WDTC1: variants seen among roughly 807,000 people sequenced by gnomAD.
The protein encoded by WDTC1 is WD and tetratricopeptide repeats protein 1.
WDTC1 carries 12 observed loss-of-function variants against 76.0 expected under a neutral mutation model. The observed-to-expected ratio is 0.16, with a 90% CI of 0.10 to 0.26. WDTC1 has a LOEUF of 0.26. Ranked by LOEUF, WDTC1 falls within the 10% of genes least tolerant of loss-of-function variation. WDTC1 has a pLI of 1.00. For missense variants in WDTC1, 511 were observed against 908.8 expected, an observed-to-expected ratio of 0.56 and a Z score of 5.63; for synonymous variants, 326 against 350.8, an observed-to-expected ratio of 0.93 and a Z score of 0.79.
chr1:27,263,849 A>G (rs1255990724), intron 3 of WDTC1, among the ~76,000 whole-genome samples: 2 of 152,154 alleles, frequency 1.3e-5, no homozygotes, highest in East Asian at 3.8e-4. Flanking sequence ...AGGAATATAG[A>G]ATTTATAGTG....
chr1:27,277,497 A>G (rs998770193), intron 3 of WDTC1, among the ~76,000 whole-genome samples: 1 of 151,818 alleles, frequency 6.6e-6, no homozygotes, highest in African/African-American at 2.4e-5. Flanking sequence ...GAGTCTGGCT[A>G]TGTTGCACAG....
intron 3 of WDTC1, among the ~76,000 whole-genome samples, chr1:27,272,827 T>G (rs926163197): frequency 1.3e-5 from 2 of 152,128 alleles, no homozygotes; most frequent in African/African-American, 4.8e-5. Context: ...GGGAATCACT[T>G]GAGCCCAGGA....
chr1:27,268,814 A>G (rs1204059268), intron 3 of WDTC1, among the ~76,000 whole-genome samples: 3 of 151,186 alleles, frequency 2.0e-5, no homozygotes, highest in African/African-American at 7.3e-5. Context: ...TCCCGGGTTC[A>G]AGTGATTCTC....
chr1:27,303,647 G>A lies in WDTC1; in HGVS notation c.1495G>A (p.Ala499Thr), dbSNP rs779528515. 49 of 1,602,476 alleles carry A rather than the reference G, an allele frequency of 3.1e-5. No individual in the cohort carries two copies. The South Asian group carries it at 3.4e-4, about 11-fold the overall frequency. Residue 499 changes from alanine (A) to threonine (T), a missense_variant, in exon 14 of 16, where the codon GCC becomes ACC. Transcript: ENST00000319394. The surrounding 1 kb of genome is among the most constrained non-coding windows in gnomAD (Gnocchi z 4.8). ...GGAGAAGAAGGGACCTGGTGGCGGC[G>A]CCCCAGTCCGCCTCCGCAGCACGAG... ...GEEKKGPGGG[A>T]PVRLRSTSRK...
At chr1:27,263,955 T>A (rs1440765223) in intron 3 of WDTC1, among the ~76,000 whole-genome samples, 1 of 152,046 alleles carries the variant, frequency 6.6e-6, no homozygotes, top group African/African-American at 2.4e-5. Context: ...CTTTCTTATT[T>A]TAGCATCAAA....
intron 3 of WDTC1, 41 bp from the exon 4 acceptor site, chr1:27,282,198 C>G (rs1418485218): frequency 6.2e-7 from 1 of 1,606,842 alleles, no homozygotes; most frequent in Non-Finnish European, 8.5e-7. Flanking sequence ...CAGGAGAACC[C>G]CTAACCAACT....
rs1054851662 is a variant in WDTC1 at position 27,274,950 on chromosome 1, G to T, written c.133-7289G>T. Among the ~76,000 whole-genome samples, 2 of 152,178 alleles carry T rather than the reference G, an allele frequency of 1.3e-5. No homozygotes were observed. Among genetic ancestry groups the T allele is most frequent in the Admixed American group, 1.3e-4 (2 of 15,266 alleles). On this transcript the variant is annotated intron_variant, in intron 3 of 15. Coordinates refer to ENST00000319394, the MANE Select transcript of WDTC1 (RefSeq NM_001276252.2). This position sits in a 1 kb window ranked among gnomAD's most constrained non-coding sequence, Gnocchi z 4.2. ...TCAGAGTAAAACTCAGCATTTCTAA[G>T]GTCAGATAAGTGGTAGAAATAAGAT... is the stretch of plus-strand genomic sequence containing the variant.
chr1:27,254,664 GCT>G (rs1364646552), intron 1 of WDTC1, among the ~76,000 whole-genome samples: 2 of 151,840 alleles, frequency 1.3e-5, no homozygotes, highest in Non-Finnish European at 2.9e-5. Context: ...ACGGAGTTTC[GCT>G]CTGTCATCCA....
At chr1:27,269,205 G>A (rs1194750481) in intron 3 of WDTC1, among the ~76,000 whole-genome samples, 2 of 147,778 alleles carry the variant, frequency 1.4e-5, no homozygotes, top group Admixed American at 6.8e-5. Flanking sequence ...GCTAGGTGTG[G>A]AGGCACATGC....
At chr1:27,288,028 C>T (rs775187911) in intron 6 of WDTC1, among the ~76,000 whole-genome samples, 167 bp downstream of exon 6, 10 of 152,112 alleles carry the variant, frequency 6.6e-5, no homozygotes, top group Non-Finnish European at 1.5e-4. Flanking sequence ...TTGCTTACTC[C>T]GCCCTCACCT....
chr1:27,266,970 G>A (rs1216296519), intron 3 of WDTC1, among the ~76,000 whole-genome samples: 1 of 152,192 alleles, frequency 6.6e-6, no homozygotes, highest in Non-Finnish European at 1.5e-5. Flanking sequence ...TTTAGTAGAT[G>A]CTCAATAAAA....
chr1:27,296,148 G>A lies in WDTC1; in HGVS notation c.874-178G>A, dbSNP rs748465485. On this transcript the variant is annotated intron_variant, in intron 9 of 15. Coordinates refer to ENST00000319394, the MANE Select transcript of WDTC1 (RefSeq NM_001276252.2). ...AGCCCACCCTGAATGCTAGAGCTAG[G>A]AAGATTTTCCAGCCTGAGGTTTGCT... Among the ~76,000 whole-genome samples, 18 of 152,256 alleles carry A rather than the reference G, an allele frequency of 1.2e-4. No homozygotes were observed. In the Middle Eastern group the frequency reaches 0.014, roughly 115 times the overall value.
intron 1 of WDTC1, among the ~76,000 whole-genome samples, chr1:27,246,805 G>T (rs963616136): frequency 2.7e-5 from 4 of 149,098 alleles, no homozygotes; most frequent in Non-Finnish European, 5.9e-5. Context: ...CAGGTGATCT[G>T]CCCACCTCGG....
chr1:27,294,710 G>A (rs1412372075), intron 9 of WDTC1, 81 bp downstream of exon 9: 1 of 1,230,482 alleles, frequency 8.1e-7, no homozygotes, highest in African/African-American at 1.5e-5. Context: ...GTTCACTGCT[G>A]AGGCAGACAA....
intron 9 of WDTC1, among the ~76,000 whole-genome samples, chr1:27,295,468 T>A (rs1056963929): frequency 1.3e-5 from 2 of 152,058 alleles, no homozygotes; most frequent in Non-Finnish European, 1.5e-5. Flanking sequence ...GTTTTTTTTT[T>A]TTGAGTTGGA....
chr1:27,264,700 C>T lies in WDTC1; in HGVS notation c.132+1465C>T, dbSNP rs558126374. On this transcript the variant is annotated intron_variant, in intron 3 of 15. Transcript: ENST00000319394. ...TTGGAGTCTTGCTGTGTTGCCCAAG[C>T]TGATCTCCAATTCCTGACCTCAAAC... Among the ~76,000 whole-genome samples, 4 of 152,226 alleles carry T rather than the reference C, an allele frequency of 2.6e-5. No individual in the cohort carries two copies. The East Asian group carries it at 7.7e-4, about 29-fold the overall frequency.
In WDTC1 at chr1:27,234,711, G is replaced by A. The variant is rs559150792; in HGVS notation, c.-340G>A. 1 of 398,294 alleles carries A rather than the reference G, an allele frequency of 2.5e-6. No homozygotes were observed. The highest frequency in any genetic ancestry group is 4.4e-6 in the Non-Finnish European group (1 of 225,760). The allele number at this position is 398,294 out of a possible 1,614,324, so 24.7% of individuals were successfully genotyped here. A position where few individuals can be genotyped will look rare whatever the true frequency, so the allele number is the denominator to read the frequency against. ...GAGGGGAGTGCGTGTGTGAGAGCGC[G>A]CGAGGGAGTGTGAGTGTGTGTGAGC... On this transcript the variant is annotated 5_prime_UTR_variant, in exon 1 of 16. Transcript: ENST00000319394.
chr1:27,272,923 C>T (rs1402786859), intron 3 of WDTC1, among the ~76,000 whole-genome samples: 1 of 151,022 alleles, frequency 6.6e-6, no homozygotes, highest in Non-Finnish European at 1.5e-5. Context: ...TAAAAATAAA[C>T]TACATATATA....
intron 3 of WDTC1, among the ~76,000 whole-genome samples, chr1:27,269,608 T>TG (rs1459839921): frequency 2.1e-5 from 3 of 140,896 alleles, no homozygotes; most frequent in Non-Finnish European, 3.0e-5. Flanking sequence ...TGTTTTTTGT[T>TG]TTTTTTTTTT....
Sources: allele counts gnomAD v4.1 joint callset (sites outside exome capture counted in the v4.1 genomes callset), GRCh38; gene constraint gnomAD v4.1.1; non-coding constraint Gnocchi (gnomAD v3.1); transcripts MANE v1.5; gene names NCBI Gene and HGNC (gene_info 2026-07-23, HGNC 2026-07-21).